Variants in CKM observed in about 807,000 individuals in gnomAD.
CKM encodes the protein creatine kinase M-type.
CKM carries 28 observed loss-of-function variants against 35.4 expected under a neutral mutation model. The ratio of observed to expected loss-of-function variants is 0.79; its 90% CI spans 0.59 to 1.08. The LOEUF is 1.08. Among genes scored for constraint, CKM ranks in the 50% least tolerant of loss-of-function variants. CKM has a pLI of 0.00. For missense variants in CKM, 484 were observed against 509.8 expected (o/e 0.95, Z 0.49); for synonymous variants, 215 against 204.4 (o/e 1.05, Z -0.44).
At chr19:45,307,075 G>A in intron 7 of CKM, 147 bp from the exon 8 acceptor site, 5 of 761,508 alleles carry the variant, frequency 6.6e-6, no homozygotes, top group Non-Finnish European at 1.1e-5. Flanking sequence ...CTGTTCATTC[G>A]TGAGCTCACG....
chr19:45,313,710 G>A (rs538310437), intron 4 of CKM, among the ~76,000 whole-genome samples: 63 of 152,276 alleles, frequency 4.1e-4, no homozygotes, highest in Non-Finnish European at 1.5e-5. Context: ...AGCCAGGCGT[G>A]GTGGCGCATG....
Position 45,306,773 on chromosome 19 carries a change from C to A in CKM, c.1123G>T (p.Asp375Tyr). Residue 375 changes from aspartate to tyrosine, a missense_variant, in exon 8 of 8, where the codon GAC becomes TAC. Asp to Tyr is a radical substitution (Grantham distance 160). Coordinates refer to ENST00000221476, the MANE Select transcript of CKM (RefSeq NM_001824.5). The surrounding 1 kb of genome is among the most constrained non-coding windows in gnomAD (Gnocchi z 4.5). ...GCCTACTTCTGGGCGGGGATCATGT[C>A]GTCAATGGACTGGCCTTTCTCCAAC... ...KKLEKGQSID[D>Y]MIPAQK The A allele has an allele frequency of 6.2e-7, 1 of 1,614,168 alleles. No homozygotes were observed.
chr19:45,321,872 G>A (rs1971216070), intron 1 of CKM, among the ~76,000 whole-genome samples: 1 of 152,120 alleles, frequency 6.6e-6, no homozygotes, highest in African/African-American at 2.4e-5. Flanking sequence ...GGGATTGTGG[G>A]AGGGAGATTG....
intron 1 of CKM, 82 bp from the exon 2 acceptor site, chr19:45,319,813 C>T (rs568339908): frequency 1.0e-4 from 117 of 1,148,016 alleles, no homozygotes; most frequent in African/African-American, 3.3e-4. Flanking sequence ...TTTTTTGAGA[C>T]GGAGTCTCGC....
In CKM at chr19:45,306,431, T is replaced by C. The variant is rs1265435243; in HGVS notation, c.*319A>G. On this transcript the variant is annotated 3_prime_UTR_variant, in exon 8 of 8. Coordinates refer to ENST00000221476, the MANE Select transcript of CKM (RefSeq NM_001824.5). The surrounding 1 kb of genome is among the most constrained non-coding windows in gnomAD (Gnocchi z 4.5). ...ACAAAGCTAAGGCCACCAATGCTTT[T>C]ATTTATCGCTTTGCGTGGAGACAAA... 1 of 420,808 alleles carries C rather than the reference T, an allele frequency of 2.4e-6. No individual in the cohort carries two copies. The allele number at this position is 420,808 out of a possible 1,614,324, so 26.1% of individuals were successfully genotyped here.
At position 45,306,901 on chromosome 19, in the gene CKM, G is replaced by T; in HGVS notation, c.995C>A (p.Ser332Ter). ...ATCAGCGTTGGACACGTCAAATACT[G>T]AGCCCACGGCAGCTGTGTCCACGCC... The part of the protein sequence containing the change: ...TGGVDTAAVG[S>*]VFDVSNADRL... The change falls in exon 8 of 8, where the codon TCA becomes TAA. Residue 332 changes from serine (S) to a stop codon, truncating the protein, a stop_gained. Coordinates refer to ENST00000221476, the MANE Select transcript of CKM (RefSeq NM_001824.5). LOFTEE classifies it high-confidence loss of function. This position sits in a 1 kb window ranked among gnomAD's most constrained non-coding sequence, Gnocchi z 4.5. The T allele has an allele frequency of 6.2e-7, 1 of 1,614,066 alleles. No homozygotes were observed. Among genetic ancestry groups the T allele is most frequent in the Non-Finnish European group, 8.5e-7 (1 of 1,180,034 alleles).
At chr19:45,313,585 G>A (rs1035681596) in intron 4 of CKM, among the ~76,000 whole-genome samples, 3 of 152,164 alleles carry the variant, frequency 2.0e-5, no homozygotes, top group South Asian at 2.1e-4. Flanking sequence ...GGTGGCTCAC[G>A]CCTGTAATCC....
intron 5 of CKM, among the ~76,000 whole-genome samples, chr19:45,310,907 A>G (rs1287402956): frequency 6.8e-6 from 1 of 147,896 alleles, no homozygotes; most frequent in Non-Finnish European, 1.5e-5. Context: ...AGTAGCTGGG[A>G]CTACAGGCGC....
At chr19:45,313,053 A>C (rs780517907) in intron 4 of CKM, among the ~76,000 whole-genome samples, 4 of 152,084 alleles carry the variant, frequency 2.6e-5, no homozygotes, top group Non-Finnish European at 5.9e-5. Flanking sequence ...CAATAAATCT[A>C]TAATATTTAT....
chr19:45,319,690 G>A lies in CKM; in HGVS notation c.24C>T (p.Asn8=), dbSNP rs1225516147. MPFGNTH[N]KFKLNYKPEE... The stretch of plus-strand genomic sequence containing the variant: ...CAGGCTTGTAATTCAGCTTGAACTT[G>A]TTGTGGGTGTTACCGAATGGCATGG... Residue 8 remains asparagine, a synonymous_variant, in exon 2 of 8, where the codon AAC becomes AAT. Transcript: ENST00000221476. 5.6e-6 allele frequency: 9 copies of A among 1,614,098 alleles called. No individual in the cohort carries two copies. The highest frequency in any genetic ancestry group is 4.4e-5 in the South Asian group (4 of 91,094).
Position 45,311,885 on chromosome 19 carries a change from A to G in CKM, c.517T>C (p.Tyr173His), listed in dbSNP as rs768287412. Reference protein sequence around the residue: ...NSLTGEFKGKYYPLKSMTEKE... With the variant: ...NSLTGEFKGKHYPLKSMTEKE... ...TCCGTCATGCTCTTCAGAGGGTAGTACTTCCCTTTGAACTCGCCCGTCAGG... is the reference window on the plus strand; with the variant it reads ...TCCGTCATGCTCTTCAGAGGGTAGTGCTTCCCTTTGAACTCGCCCGTCAGG... The change falls in exon 5 of 8, where the codon TAC (tyrosine) becomes CAC (histidine). Residue 173 changes from tyrosine (Y) to histidine (H), a missense_variant. Physicochemically the swap from Tyr to His is moderately conservative, Grantham distance 83. Transcript: ENST00000221476. 1 of 1,613,960 alleles carries G rather than the reference A, an allele frequency of 6.2e-7. No homozygotes were observed. The highest frequency in any genetic ancestry group is 8.5e-7 in the Non-Finnish European group (1 of 1,179,944).
intron 4 of CKM, among the ~76,000 whole-genome samples, chr19:45,314,145 AGGGAAGGAAGGGAGG>A (rs1568511004): frequency 1.7e-3 from 263 of 150,292 alleles, no homozygotes; most frequent in African/African-American, 6.3e-3. Context: ...GAGGGAAGGA[AGGGAAGGAAGGGAGG>A]AAGAAAAGAA....
At chr19:45,317,438 C>A (rs1033468796) in intron 3 of CKM, among the ~76,000 whole-genome samples, 1 of 152,180 alleles carries the variant, frequency 6.6e-6, no homozygotes, top group Non-Finnish European at 1.5e-5. Context: ...CAGGCATGTG[C>A]CACCACACCC....
chr19:45,306,991 C>T lies in CKM; in HGVS notation c.968-63G>A. On this transcript the variant is annotated intron_variant, in intron 7 of 7. Transcript: ENST00000221476. The surrounding 1 kb of genome is among the most constrained non-coding windows in gnomAD (Gnocchi z 4.5). ...AAGGTGCAGAGGGGCTGGGACGTGG[C>T]CCCCGTGCCAAATGCAACAGCCGCA... 6.4e-7 allele frequency: 1 copy of T among 1,565,078 alleles called. No homozygotes were observed. The highest frequency in any genetic ancestry group is 8.7e-7 in the Non-Finnish European group (1 of 1,143,790).
At position 45,317,926 on chromosome 19, in the gene CKM, C is replaced by T. The variant is rs200170574; in HGVS notation, c.247G>A (p.Glu83Lys). The T allele has an allele frequency of 1.1e-5, 18 of 1,613,874 alleles. No homozygotes were observed. Among genetic ancestry groups the T allele is most frequent in the African/African-American group, 8.0e-5 (6 of 74,962 alleles). The change falls in exon 3 of 8, where the codon GAA (glutamate) becomes AAA (lysine). Residue 83 changes from glutamate (E) to lysine (K), a missense_variant. Physicochemically the swap from Glu to Lys is moderately conservative, Grantham distance 56. Coordinates refer to ENST00000221476, the MANE Select transcript of CKM (RefSeq NM_001824.5). ...GGGTCAAAGAGTTCCTTGAAAACTT[C>T]GTAGGACTCCTCATCACCAGCCACG... The part of the protein sequence containing the change: ...GCVAGDEESY[E>K]VFKELFDPII...
chr19:45,307,818 C>A (rs1471760967), intron 6 of CKM, among the ~76,000 whole-genome samples, 168 bp from the exon 7 acceptor site: 1 of 149,738 alleles, frequency 6.7e-6, no homozygotes, highest in Non-Finnish European at 1.5e-5. Flanking sequence ...ACAATGGGGA[C>A]CAAGGCAGGA....
At chr19:45,316,329 CAAAA>C (rs57770481) in intron 3 of CKM, among the ~76,000 whole-genome samples, 1 of 121,032 alleles carries the variant, frequency 8.3e-6, no homozygotes, top group Admixed American at 8.8e-5. Context: ...GATTCTGTCT[CAAAA>C]AAAAAAAAAA....
chr19:45,320,423 A>C (rs17875647), intron 1 of CKM, among the ~76,000 whole-genome samples: 6 of 152,348 alleles, frequency 3.9e-5, no homozygotes, highest in Non-Finnish European at 5.9e-5. Context: ...GACAGCAGCA[A>C]GAGAACTGGG....
chr19:45,322,532 G>A (rs147848771), intron 1 of CKM, among the ~76,000 whole-genome samples: 1 of 152,262 alleles, frequency 6.6e-6, no homozygotes, highest in African/African-American at 2.4e-5. Flanking sequence ...CCTTGCAGGG[G>A]GTGACAGTTG....
Sources: gnomAD v4.1 joint callset for allele counts (sites outside exome capture counted in the v4.1 genomes callset) on GRCh38, gnomAD v4.1.1 for gene constraint, Gnocchi (gnomAD v3.1) non-coding constraint, MANE v1.5 for transcripts, NCBI Gene and HGNC (gene_info 2026-07-23, HGNC 2026-07-21) for gene names.